CDYL: variants seen among roughly 807,000 people sequenced by gnomAD.
The protein encoded by CDYL is chromodomain Y like, also known as chromodomain Y-like protein.
Under a neutral mutation model 47.3 loss-of-function variants are expected in CDYL, and 8 were observed. The observed-to-expected ratio is 0.17, with a 90% CI of 0.10 to 0.31. CDYL has a LOEUF of 0.31. Ranked by LOEUF, CDYL falls within the 10% of genes least tolerant of loss-of-function variation. CDYL has a pLI of 1.00. For synonymous variants in CDYL, 266 were observed against 265.0 expected (o/e 1.00, Z -0.04); for missense variants, 471 against 701.4 (o/e 0.67, Z 3.71).
At chr6:4,766,057 G>A (rs545759730) in intron 3 of CDYL, among the ~76,000 whole-genome samples, 10 of 151,946 alleles carry the variant, frequency 6.6e-5, no homozygotes, top group African/African-American at 9.7e-5. Context: ...GAAATGATAC[G>A]TATTTTCAAT....
chr6:4,733,845 C>T (rs1336046477), intron 2 of CDYL, among the ~76,000 whole-genome samples: 6 of 76,004 alleles, frequency 7.9e-5, no homozygotes, highest in East Asian at 4.2e-4. Context: ...CTTTTCTTTT[C>T]TTCTTCTTTT....
At position 4,792,032 on chromosome 6, in the gene CDYL, A is replaced by G. The variant is rs1238224092; in HGVS notation, c.24+15225A>G. Among the ~76,000 whole-genome samples, 53 of 149,270 alleles carry G rather than the reference A, an allele frequency of 3.6e-4. No homozygotes were observed. The East Asian group carries it at 5.9e-3, about 17-fold the overall frequency. ...CGAGTAGCTGGGACTACAGGCGCCT[A>G]CCACCACGCCCGGCTAATTTTTTTT... On this transcript the variant is annotated intron_variant, in intron 1 of 6. Coordinates refer to ENST00000397588, the MANE Select transcript of CDYL (RefSeq NM_004824.4).
chr6:4,893,467 C>A (rs925077791), intron 2 of CDYL, among the ~76,000 whole-genome samples: 5 of 152,178 alleles, frequency 3.3e-5, no homozygotes, highest in Non-Finnish European at 7.4e-5. Flanking sequence ...CCGAGGAGGG[C>A]AGATCGCTTG....
chr6:4,734,737 A>G, intron 2 of CDYL: 1 of 1,613,320 alleles, frequency 6.2e-7, no homozygotes, highest in Non-Finnish European at 8.5e-7. Flanking sequence ...CCTCTCTCAG[A>G]AACTTTCTCA....
chr6:4,734,154 T>C (rs200351079), intron 2 of CDYL, among the ~76,000 whole-genome samples: 2 of 151,896 alleles, frequency 1.3e-5, no homozygotes, highest in East Asian at 1.9e-4. Flanking sequence ...CTCTGCTGTT[T>C]CCCCTCTGGC....
intron 3 of CDYL, among the ~76,000 whole-genome samples, chr6:4,762,078 G>T (rs779329461): frequency 6.6e-6 from 1 of 152,210 alleles, no homozygotes; most frequent in Non-Finnish European, 1.5e-5. Flanking sequence ...TTATGATTTT[G>T]AAAGCCACAA....
chr6:4,782,179 G>A (rs973732249), intron 1 of CDYL, among the ~76,000 whole-genome samples: 2 of 152,126 alleles, frequency 1.3e-5, no homozygotes, highest in Admixed American at 6.5e-5. Flanking sequence ...TCCAGGAAGG[G>A]AATATTAAAA....
intron 1 of CDYL, among the ~76,000 whole-genome samples, chr6:4,881,638 T>C (rs1561684684): frequency 6.6e-6 from 1 of 152,262 alleles, no homozygotes; most frequent in African/African-American, 2.4e-5. Context: ...TCTGTCTACA[T>C]ATGATAAACC....
intron 1 of CDYL, among the ~76,000 whole-genome samples, chr6:4,777,029 G>C (rs975279543): frequency 1.3e-5 from 2 of 149,562 alleles, no homozygotes; most frequent in African/African-American, 4.9e-5. Context: ...GGGGTGGGGG[G>C]GGGGGTCCCA....
At chr6:4,946,513 G>A (rs148961423) in intron 5 of CDYL, among the ~76,000 whole-genome samples, 13 of 152,192 alleles carry the variant, frequency 8.5e-5, no homozygotes, top group Admixed American at 3.9e-4. Flanking sequence ...GGCCACACTC[G>A]GTCACAGGGA....
chr6:4,935,806 G>A (rs183901966), intron 3 of CDYL, 35 bp downstream of exon 3: 20 of 1,608,444 alleles, frequency 1.2e-5, no homozygotes, highest in African/African-American at 9.3e-5. Context: ...TGGGCTTCGC[G>A]CTTCTCCCTG....
chr6:4,796,601 C>T (rs1450024866), intron 1 of CDYL, among the ~76,000 whole-genome samples: 3 of 152,014 alleles, frequency 2.0e-5, no homozygotes, highest in African/African-American at 4.8e-5. Flanking sequence ...AATTCATGAT[C>T]GTTTATTGTA....
intron 1 of CDYL, among the ~76,000 whole-genome samples, chr6:4,800,386 T>G (rs1338546801): frequency 6.6e-6 from 1 of 152,226 alleles, no homozygotes; most frequent in Non-Finnish European, 1.5e-5. Flanking sequence ...TTCCACTACT[T>G]ATCCTTAGTA....
intron 2 of CDYL, among the ~76,000 whole-genome samples, chr6:4,913,187 A>C: frequency 1.3e-5 from 2 of 152,248 alleles, no homozygotes; most frequent in Non-Finnish European, 2.9e-5. Context: ...TTTTCTTCCC[A>C]GTGCTCGAAA....
intron 3 of CDYL, among the ~76,000 whole-genome samples, chr6:4,766,845 A>G (rs1413531710): frequency 6.6e-6 from 1 of 151,920 alleles, no homozygotes; most frequent in African/African-American, 2.4e-5. Flanking sequence ...TCTCCACAAA[A>G]AAAAAGTTGG....
intron 1 of CDYL, among the ~76,000 whole-genome samples, chr6:4,888,583 CTT>C (rs1176199540): frequency 1.3e-5 from 2 of 151,776 alleles, no homozygotes; most frequent in Admixed American, 6.6e-5. Context: ...TTAAAAGAAA[CTT>C]TTGGTTGTGT....
At chr6:4,825,927 T>G (rs920392591) in intron 1 of CDYL, among the ~76,000 whole-genome samples, 11 of 151,974 alleles carry the variant, frequency 7.2e-5, no homozygotes, top group Admixed American at 7.2e-4. Context: ...ACTGCCTTGT[T>G]TCAGCTGTGA....
intron 2 of CDYL, among the ~76,000 whole-genome samples, chr6:4,915,426 A>C (rs944079272): frequency 1.3e-5 from 2 of 152,176 alleles, no homozygotes; most frequent in Non-Finnish European, 2.9e-5. Context: ...TTGGAATGTG[A>C]ACTGCCTCTT....
chr6:4,819,710 G>T (rs1405834013), intron 1 of CDYL, among the ~76,000 whole-genome samples: 11 of 152,142 alleles, frequency 7.2e-5, no homozygotes, highest in East Asian at 1.9e-4. Flanking sequence ...AGAGGGGGAG[G>T]TAGATCAAAT....
Sources: gnomAD v4.1 joint callset for allele counts (sites outside exome capture counted in the v4.1 genomes callset) on GRCh38, gnomAD v4.1.1 for gene constraint, MANE v1.5 for transcripts, NCBI Gene and HGNC (gene_info 2026-07-23, HGNC 2026-07-21) for gene names.